The following THAP7 variants were observed in gnomAD, a reference collection of about 807,000 sequenced individuals.
THAP7 encodes THAP domain containing 7, also known as THAP domain-containing protein 7.
In THAP7, 22 loss-of-function variants were observed where a neutral mutation model predicts 29.2. That is an observed-to-expected ratio of 0.75 (90% CI 0.54 to 1.08). The LOEUF is 1.08. Among genes scored for constraint, THAP7 ranks in the 50% least tolerant of loss-of-function variants. THAP7 has a pLI of 0.00. For missense variants in THAP7, 448 were observed against 416.2 expected (o/e 1.08, Z -0.66); for synonymous variants, 208 against 173.4 (o/e 1.20, Z -1.57).
At chr22:21,000,511 C>A in intron 3 of THAP7, 79 bp from the exon 4 acceptor site, 3 of 1,557,090 alleles carry the variant, frequency 1.9e-6, no homozygotes, top group Non-Finnish European at 2.6e-6. Flanking sequence ...ACCTGATCCA[C>A]CCTTAACACC....
At position 20,999,263 on chromosome 22, in the gene THAP7, G is replaced by A. The variant is rs6005196; in HGVS notation, c.*617C>T. On this transcript the variant is annotated 3_prime_UTR_variant, in exon 4 of 4. Coordinates refer to ENST00000215742, the MANE Select transcript of THAP7 (RefSeq NM_030573.3). ...CCTCTTCCTAGATTTCCAGGGACTA[G>A]CTTGTTGGGGCTTTACTACCTGCTG... The A allele has an allele frequency of 9.1e-4, 138 of 152,466 alleles. No homozygotes were observed. The highest frequency in any genetic ancestry group is 3.3e-3 in the African/African-American group (136 of 41,550). The allele number at this position is 152,466 out of a possible 1,614,324, so 9.4% of individuals were successfully genotyped here. A position where few individuals can be genotyped will look rare whatever the true frequency, so the allele number is the denominator to read the frequency against.
rs1925022350 is a variant in THAP7 at position 20,999,465 on chromosome 22, T to G, written c.*415A>C. ...GATCTAGACTGGGTTTTAGAAGTGT[T>G]CTCAAAGGGGCTGGCTGGTTTAAGT... On this transcript the variant is annotated 3_prime_UTR_variant, in exon 4 of 4. Coordinates refer to ENST00000215742, the MANE Select transcript of THAP7 (RefSeq NM_030573.3). 5.4e-6 allele frequency: 1 copy of G among 185,966 alleles called. No individual in the cohort carries two copies. Among genetic ancestry groups the G allele is most frequent in the African/African-American group, 2.4e-5 (1 of 42,128 alleles). The allele number at this position is 185,966 out of a possible 1,614,324, so 11.5% of individuals were successfully genotyped here.
chr22:21,001,733 C>G, intron 1 of THAP7, 99 bp downstream of exon 1: 1 of 1,295,912 alleles, frequency 7.7e-7, no homozygotes, highest in Non-Finnish European at 1.0e-6. Flanking sequence ...CAAGCCTCCT[C>G]AGTATCTGAG....
intron 2 of THAP7, chr22:21,001,014 C>A (rs1167775147): frequency 2.3e-6 from 2 of 864,032 alleles, no homozygotes; most frequent in Admixed American, 2.9e-5. Context: ...AGAAAGAATT[C>A]TTTGATTTGT....
chr22:20,999,668 C>G lies in THAP7; in HGVS notation c.*212G>C, dbSNP rs1925030712. 1.7e-6 allele frequency: 1 copy of G among 605,950 alleles called. No individual in the cohort carries two copies. Among genetic ancestry groups the G allele is most frequent in the East Asian group, 2.9e-5 (1 of 35,058 alleles). 37.5% of individuals were successfully genotyped at this position (605,950 alleles called of 1,614,324 possible). A position where few individuals can be genotyped will look rare whatever the true frequency, so the allele number is the denominator to read the frequency against. On this transcript the variant is annotated 3_prime_UTR_variant, in exon 4 of 4. Transcript: ENST00000215742. ...GAGCCAGGCTCCCTGTTCTCCTTGGCAAAGAGCTTGGACTGAGCCCTCTAG... is the reference window on the plus strand; with the variant it reads ...GAGCCAGGCTCCCTGTTCTCCTTGGGAAAGAGCTTGGACTGAGCCCTCTAG...
At chr22:21,000,933 G>T in intron 2 of THAP7, 146 bp from the exon 3 acceptor site, 2 of 1,284,642 alleles carry the variant, frequency 1.6e-6, no homozygotes, top group Non-Finnish European at 2.2e-6. Flanking sequence ...TACACCAATC[G>T]CTTCCCCGCA....
chr22:21,001,991 C>A lies in THAP7; in HGVS notation c.-80G>T. 27 of 1,405,460 alleles carry A rather than the reference C, an allele frequency of 1.9e-5. No individual in the cohort carries two copies. The South Asian group carries it at 3.7e-4, about 19-fold the overall frequency. The allele number at this position is 1,405,460 out of a possible 1,614,324, so 87.1% of individuals were successfully genotyped here. On this transcript the variant is annotated 5_prime_UTR_variant, in exon 1 of 4. Transcript: ENST00000215742. The stretch of plus-strand genomic sequence containing the variant: ...CCTCGCGCCTCCAGCCGCCGCTCCT[C>A]CCCAAGGGGCTCTGGCCTGTCGGGT...
chr22:21,001,134 C>G, intron 2 of THAP7, 122 bp downstream of exon 2: 1 of 1,423,846 alleles, frequency 7.0e-7, no homozygotes, highest in Non-Finnish European at 9.6e-7. Flanking sequence ...CTGTGCAGAG[C>G]TGGGAACAGG....
In THAP7 at chr22:21,001,287, C is replaced by G. The variant is rs145388226; in HGVS notation, c.205G>C (p.Glu69Gln). Reference sequence around the variant, plus strand: ...CCCACCAGCTCAAAGCAGTCCTCCTCAAAGTGTTTGGAGCAGAAGTAGATG... The same window carrying G: ...CCCACCAGCTCAAAGCAGTCCTCCTGAAAGTGTTTGGAGCAGAAGTAGATG... ...EYIYFCSKHF[E>Q]EDCFELVGIS... The change falls in exon 2 of 4, where the codon GAG becomes CAG. Residue 69 changes from glutamate (E) to glutamine (Q), a missense_variant. Physicochemically the swap from Glu to Gln is conservative, Grantham distance 29. Coordinates refer to ENST00000215742, the MANE Select transcript of THAP7 (RefSeq NM_030573.3). 5,862 of 1,614,158 alleles carry G rather than the reference C, an allele frequency of 3.6e-3. 35 individuals are homozygous for G. Among genetic ancestry groups the G allele is most frequent in the Middle Eastern group, 0.015 (93 of 6,062 alleles).
intron 2 of THAP7, 86 bp downstream of exon 2, chr22:21,001,170 C>T: frequency 6.4e-7 from 1 of 1,557,296 alleles, no homozygotes; most frequent in African/African-American, 1.3e-5. Flanking sequence ...ACGCAGGCTG[C>T]TCAAGGGACT....
In THAP7 at chr22:21,002,016, T is replaced by C. The variant is rs979835014; in HGVS notation, c.-105A>G. The C allele has an allele frequency of 8.6e-7, 1 of 1,164,952 alleles. No individual in the cohort carries two copies. Among genetic ancestry groups the C allele is most frequent in the Admixed American group, 3.0e-5 (1 of 33,738 alleles). The allele number at this position is 1,164,952 out of a possible 1,614,324, so 72.2% of individuals were successfully genotyped here. Reference sequence around the variant, plus strand: ...CCCCAAGGGGCTCTGGCCTGTCGGGTCCCCCCCGGCCCGTTGTCGCCCCAA... The same window carrying C: ...CCCCAAGGGGCTCTGGCCTGTCGGGCCCCCCCCGGCCCGTTGTCGCCCCAA... On this transcript the variant is annotated 5_prime_UTR_variant, in exon 1 of 4. Transcript: ENST00000215742.
In THAP7 at chr22:21,001,854, TGCGCGTCTC is replaced by T. The variant is rs2147976921; in HGVS notation, c.49_57del (p.Glu17_Arg19del). 6.4e-7 allele frequency: 1 copy of T among 1,563,016 alleles called. No homozygotes were observed. Among genetic ancestry groups the T allele is most frequent in the Non-Finnish European group, 8.7e-7 (1 of 1,155,702 alleles). On this transcript the variant is annotated inframe_deletion, in exon 1 of 4. Transcript: ENST00000215742. The stretch of plus-strand genomic sequence containing the variant: ...GACCTGTGGAAGGAGATGCCGCGGT[TGCGCGTCTC>T]GCGCGTGTCCCGTGTGCAGCAGCCG...
chr22:21,001,046 G>A (rs1925135919), intron 2 of THAP7: 4 of 855,106 alleles, frequency 4.7e-6, no homozygotes, highest in Non-Finnish European at 5.3e-6. Context: ...CAAGACTGGG[G>A]CTCTGAAAGA....
At chr22:21,001,002 C>A in intron 2 of THAP7, 1 of 871,760 alleles carries the variant, frequency 1.1e-6, no homozygotes, top group Non-Finnish European at 1.7e-6. Flanking sequence ...GGCTGACCAG[C>A]CAGAAAGAAT....
chr22:20,999,659 T>C lies in THAP7; in HGVS notation c.*221A>G. The C allele has an allele frequency of 1.7e-6, 1 of 591,222 alleles. No individual in the cohort carries two copies. Among genetic ancestry groups the C allele is most frequent in the Non-Finnish European group, 3.0e-6 (1 of 338,488 alleles). 36.6% of individuals were successfully genotyped at this position (591,222 alleles called of 1,614,324 possible). A position where few individuals can be genotyped will look rare whatever the true frequency, so the allele number is the denominator to read the frequency against. ...GAGGGGTGAGAGCCAGGCTCCCTGT[T>C]CTCCTTGGCAAAGAGCTTGGACTGA... On this transcript the variant is annotated 3_prime_UTR_variant, in exon 4 of 4. Coordinates refer to ENST00000215742, the MANE Select transcript of THAP7 (RefSeq NM_030573.3).
Position 21,002,005 on chromosome 22 carries a change from G to T in THAP7, c.-94C>A. 1 of 1,267,576 alleles carries T rather than the reference G, an allele frequency of 7.9e-7. No homozygotes were observed. The highest frequency in any genetic ancestry group is 1.1e-6 in the Non-Finnish European group (1 of 939,144). The allele number at this position is 1,267,576 out of a possible 1,614,324, so 78.5% of individuals were successfully genotyped here. ...CCGCCGCTCCTCCCCAAGGGGCTCT[G>T]GCCTGTCGGGTCCCCCCCGGCCCGT... On this transcript the variant is annotated 5_prime_UTR_variant, in exon 1 of 4. Coordinates refer to ENST00000215742, the MANE Select transcript of THAP7 (RefSeq NM_030573.3).
intron 2 of THAP7, 23 bp downstream of exon 2, chr22:21,001,233 C>G (rs371159968): frequency 1.2e-6 from 2 of 1,607,756 alleles, no homozygotes; most frequent in Non-Finnish European, 1.7e-6. Context: ...CCTACCCCAG[C>G]GTCGGCCGGC....
rs983247947 is a variant in THAP7, at chr22:20,999,472, G to T, written c.*408C>A. On this transcript the variant is annotated 3_prime_UTR_variant, in exon 4 of 4. Transcript: ENST00000215742. ...ACTGGGTTTTAGAAGTGTTCTCAAA[G>T]GGGCTGGCTGGTTTAAGTCAGGGCT... 5.3e-6 allele frequency: 1 copy of T among 189,144 alleles called. No homozygotes were observed. The highest frequency in any genetic ancestry group is 1.1e-4 in the South Asian group (1 of 9,330). 11.7% of individuals were successfully genotyped at this position (189,144 alleles called of 1,614,324 possible). A position where few individuals can be genotyped will look rare whatever the true frequency, so the allele number is the denominator to read the frequency against.
At chr22:21,001,214 G>GC (rs768421425) in intron 2 of THAP7, 42 bp downstream of exon 2, 9 of 1,602,770 alleles carry the variant, frequency 5.6e-6, no homozygotes, top group Admixed American at 1.7e-5. Context: ...TCCGCCGGGA[G>GC]CCCCACATCC....
Sources: gnomAD v4.1 joint callset for allele counts on GRCh38, gnomAD v4.1.1 for gene constraint, MANE v1.5 for transcripts, NCBI Gene and HGNC (gene_info 2026-07-23, HGNC 2026-07-21) for gene names.